The following NCAM2 variants were observed in gnomAD, a reference collection of about 807,000 sequenced individuals.
NCAM2 encodes the protein N-CAM-2.
NCAM2 carries 30 observed loss-of-function variants against 98.1 expected under a neutral mutation model. That is an observed-to-expected ratio of 0.31 (90% CI 0.23 to 0.41). The LOEUF is 0.41. NCAM2 is among the 10% of genes least tolerant of loss of function. The probability of loss-of-function intolerance (pLI) is 1.00; values close to 1 mark genes in which losing one functional copy is unlikely to be tolerated. For missense variants in NCAM2, 867 were observed against 1,005.8 expected, an observed-to-expected ratio of 0.86 and a Z score of 1.87; for synonymous variants, 368 against 342.4, an observed-to-expected ratio of 1.07 and a Z score of -0.83.
intron 8 of NCAM2, among the ~76,000 whole-genome samples, chr21:21,357,925 A>G (rs1268868987): frequency 6.6e-6 from 1 of 152,152 alleles, no homozygotes; most frequent in Non-Finnish European, 1.5e-5. Context: ...TTGTTCAGAT[A>G]TTTTAGTCAT....
intron 1 of NCAM2, among the ~76,000 whole-genome samples, chr21:21,273,184 T>C (rs935688059): frequency 3.9e-5 from 6 of 152,208 alleles, no homozygotes; most frequent in Non-Finnish European, 7.3e-5. Flanking sequence ...CTCAGCCTTC[T>C]CATCTCTAAA....
chr21:21,179,446 TAAG>T (rs2068399087), intron 1 of NCAM2, among the ~76,000 whole-genome samples: 1 of 152,206 alleles, frequency 6.6e-6, no homozygotes, highest in Non-Finnish European at 1.5e-5. Context: ...TGTTTTGCCT[TAAG>T]AAATTGTTTT....
chr21:21,515,927 A>G (rs1988686035), intron 16 of NCAM2, among the ~76,000 whole-genome samples: 1 of 152,206 alleles, frequency 6.6e-6, no homozygotes, highest in Non-Finnish European at 1.5e-5. Flanking sequence ...ACCATGGGCC[A>G]TGTAATTTTA....
intron 1 of NCAM2, among the ~76,000 whole-genome samples, chr21:21,056,818 C>G (rs1046059451): frequency 1.8e-4 from 27 of 152,036 alleles, no homozygotes; most frequent in African/African-American, 6.0e-4. Context: ...GAGAAGGTCA[C>G]GGGAAGCCTG....
rs577298889 is a variant in NCAM2, at chr21:21,408,747, G to A, written c.1196-1527G>A. ...AACAGAGATTATTCCTTCCTTACAA[G>A]GTTATTAAAAATATTAAATATAATA... is the stretch of plus-strand genomic sequence containing the variant. On this transcript the variant is annotated intron_variant, in intron 9 of 17. Transcript: ENST00000400546. Among the ~76,000 whole-genome samples the A allele has an allele frequency of 4.0e-4, 60 of 151,792 alleles. No homozygotes were observed. In the South Asian group the frequency reaches 0.012, roughly 32 times the overall value.
chr21:21,429,187 T>C (rs2077277055), intron 11 of NCAM2, among the ~76,000 whole-genome samples: 1 of 152,188 alleles, frequency 6.6e-6, no homozygotes, highest in African/African-American at 2.4e-5. Context: ...ACGGACTATA[T>C]AACTAGAAGA....
At chr21:21,528,187 G>A (rs1353881745) in intron 16 of NCAM2, among the ~76,000 whole-genome samples, 3 of 152,220 alleles carry the variant, frequency 2.0e-5, no homozygotes, top group Admixed American at 2.0e-4. Context: ...GGTTGCACAT[G>A]TTGGAAAGAA....
intron 1 of NCAM2, among the ~76,000 whole-genome samples, chr21:21,069,441 C>T (rs1365439508): frequency 1.3e-5 from 2 of 152,058 alleles, no homozygotes; most frequent in African/African-American, 4.8e-5. Context: ...AATTGCAAAC[C>T]AAAAAGGTTT....
intron 6 of NCAM2, among the ~76,000 whole-genome samples, chr21:21,332,047 C>T (rs560962362): frequency 8.6e-5 from 13 of 151,998 alleles, no homozygotes; most frequent in South Asian, 8.3e-4. Context: ...CGACTACAGG[C>T]GCCCACCACC....
chr21:21,153,250 T>A (rs2067501155), intron 1 of NCAM2, among the ~76,000 whole-genome samples: 1 of 151,650 alleles, frequency 6.6e-6, no homozygotes. Flanking sequence ...GGAAGACAAT[T>A]CCATTATCAT....
chr21:21,416,244 A>G (rs1345960701), intron 10 of NCAM2, among the ~76,000 whole-genome samples: 3 of 152,182 alleles, frequency 2.0e-5, no homozygotes, highest in African/African-American at 7.2e-5. Context: ...CAGTGGAGCA[A>G]TCAGAACACA....
At position 21,270,509 on chromosome 21, in the gene NCAM2, A is replaced by G. The variant is rs570971481; in HGVS notation, c.56-10069A>G. 1.2e-4 allele frequency among the ~76,000 whole-genome samples: 19 copies of G among 152,322 alleles called. No individual in the cohort carries two copies. In the East Asian group the frequency reaches 1.3e-3, roughly 11 times the overall value. On this transcript the variant is annotated intron_variant, in intron 1 of 17. Coordinates refer to ENST00000400546, the MANE Select transcript of NCAM2 (RefSeq NM_004540.5). Reference sequence around the variant, plus strand: ...TTACTGGTTTTTGAATCTTAACGTAATGATTTTACTTTTACTAATAAACTA... The same window carrying G: ...TTACTGGTTTTTGAATCTTAACGTAGTGATTTTACTTTTACTAATAAACTA...
chr21:21,498,890 T>C (rs186731247), intron 15 of NCAM2, among the ~76,000 whole-genome samples: 1 of 152,298 alleles, frequency 6.6e-6, no homozygotes, highest in Admixed American at 6.5e-5. Context: ...AAATGAATTA[T>C]AGAAGAAGAG....
rs751175879 is a variant in NCAM2 at position 21,476,674 on chromosome 21, T to G, written c.1897-617T>G. On this transcript the variant is annotated intron_variant, in intron 14 of 17. Transcript: ENST00000400546. The stretch of plus-strand genomic sequence containing the variant: ...TTTTAGAAAAAGAATGAGATAGTAT[T>G]TAAGTGTAGAATGTTTGAGAATAGG... 3.9e-5 allele frequency among the ~76,000 whole-genome samples: 6 copies of G among 152,180 alleles called. No homozygotes were observed. The South Asian group carries it at 6.2e-4, about 16-fold the overall frequency.
chr21:21,493,941 A>G (rs1987028447), intron 15 of NCAM2, among the ~76,000 whole-genome samples: 1 of 151,996 alleles, frequency 6.6e-6, no homozygotes, highest in Non-Finnish European at 1.5e-5. Flanking sequence ...ATAGACGTTT[A>G]TAAACCCTAC....
chr21:21,415,615 G>A (rs546834814), intron 10 of NCAM2, among the ~76,000 whole-genome samples: 10 of 152,264 alleles, frequency 6.6e-5, no homozygotes, highest in Admixed American at 5.2e-4. Flanking sequence ...GATTACAGGC[G>A]TGAGCCACCT....
At chr21:21,425,171 T>A (rs1052072636) in intron 11 of NCAM2, among the ~76,000 whole-genome samples, 3 of 151,814 alleles carry the variant, frequency 2.0e-5, no homozygotes, top group African/African-American at 7.3e-5. Context: ...ATCTTGGTGG[T>A]GTTCTAGAGA....
chr21:21,429,334 A>G (rs905096868), intron 11 of NCAM2, among the ~76,000 whole-genome samples: 12 of 152,198 alleles, frequency 7.9e-5, no homozygotes, highest in Non-Finnish European at 1.5e-4. Context: ...CAGAGTAAAA[A>G]CAAACAATCA....
chr21:21,387,187 TACAC>T (rs61585220), intron 9 of NCAM2, among the ~76,000 whole-genome samples: 16,647 of 121,172 alleles, frequency 0.14, 1,117 homozygotes, highest in East Asian at 0.38. Context: ...CACACACACA[TACAC>T]ACACACACAC....
Sources: gnomAD v4.1 joint callset for allele counts (sites outside exome capture counted in the v4.1 genomes callset) on GRCh38, gnomAD v4.1.1 for gene constraint, MANE v1.5 for transcripts, NCBI Gene and HGNC (gene_info 2026-07-23, HGNC 2026-07-21) for gene names.